CBL: variants seen among roughly 807,000 people sequenced by gnomAD.
The protein encoded by CBL is Cbl proto-oncogene.
In CBL, 45 loss-of-function variants were observed where a neutral mutation model predicts 96.9. That is an observed-to-expected ratio of 0.46 (90% CI 0.37 to 0.60). The LOEUF (loss-of-function observed/expected upper bound fraction) is 0.60, where lower values mean the gene tolerates loss of function less well. Ranked by LOEUF, CBL falls within the 20% of genes least tolerant of loss-of-function variation. The probability of loss-of-function intolerance (pLI) is 0.00; values close to 1 mark genes in which losing one functional copy is unlikely to be tolerated. For synonymous variants in CBL, 420 were observed against 426.8 expected (o/e 0.98, Z 0.20); for missense variants, 1,024 against 1,143.5 (o/e 0.90, Z 1.51).
chr11:119,237,699 T>A (rs1013969771), intron 2 of CBL, among the ~76,000 whole-genome samples: 2 of 152,188 alleles, frequency 1.3e-5, no homozygotes. Flanking sequence ...ACCATAAGTG[T>A]AAGGGTTTAT....
intron 12 of CBL, among the ~76,000 whole-genome samples, chr11:119,294,391 T>C (rs957482919): frequency 4.0e-5 from 6 of 151,338 alleles, no homozygotes; most frequent in Non-Finnish European, 8.8e-5. Flanking sequence ...ATCACGCCAT[T>C]GCACTCCAGC....
chr11:119,299,809 A>G lies in CBL; in HGVS notation c.*28A>G. On this transcript the variant is annotated 3_prime_UTR_variant, in exon 16 of 16. Coordinates refer to ENST00000264033, the MANE Select transcript of CBL (RefSeq NM_005188.4). ...CACCATCTCCCTGCTGCAGGTTTAG[A>G]GGACCAGTGAGTTGGGAGTTATTAC... 1 of 1,610,844 alleles carries G rather than the reference A, an allele frequency of 6.2e-7. No homozygotes were observed. The highest frequency in any genetic ancestry group is 8.5e-7 in the Non-Finnish European group (1 of 1,178,460).
At chr11:119,298,983 G>GT (rs1657254242) in intron 15 of CBL, among the ~76,000 whole-genome samples, 1 of 152,212 alleles carries the variant, frequency 6.6e-6, no homozygotes, top group Non-Finnish European at 1.5e-5. Flanking sequence ...TGGCTGCCTG[G>GT]TAGGGCAGCA....
In CBL at chr11:119,278,680, T is replaced by C. The variant is rs759327419; in HGVS notation, c.1398T>C (p.Thr466=). The change falls in exon 9 of 16, where the codon ACT becomes ACC. Residue 466 remains threonine, a synonymous_variant. Transcript: ENST00000264033. ...DDDDDERADD[T]LFMMKELAGA... The stretch of plus-strand genomic sequence containing the variant: ...ATGATGATGAACGAGCTGATGATAC[T>C]CTCTTCATGATGAAGGAATTGGCTG... 2 of 1,613,976 alleles carry C rather than the reference T, an allele frequency of 1.2e-6. No individual in the cohort carries two copies. Among genetic ancestry groups the C allele is most frequent in the Non-Finnish European group, 1.7e-6 (2 of 1,180,014 alleles).
chr11:119,257,535 G>T (rs994401580), intron 2 of CBL, among the ~76,000 whole-genome samples: 2 of 152,118 alleles, frequency 1.3e-5, no homozygotes, highest in Admixed American at 6.6e-5. Flanking sequence ...TGCATTGCTT[G>T]CATGTATTTT....
chr11:119,232,878 A>C lies in CBL; in HGVS notation c.443+183A>C, dbSNP rs149192978. Among the ~76,000 whole-genome samples the C allele has an allele frequency of 5.4e-4, 83 of 152,300 alleles. 1 individual carries two copies. The East Asian group carries it at 0.013, about 23-fold the overall frequency. ...TGACGTTGTACTATCCCTAACTCTGATTGATTTGCTTACCTCTGAAAAATC... is the reference window on the plus strand; with the variant it reads ...TGACGTTGTACTATCCCTAACTCTGCTTGATTTGCTTACCTCTGAAAAATC... On this transcript the variant is annotated intron_variant, in intron 2 of 15. Transcript: ENST00000264033.
intron 2 of CBL, among the ~76,000 whole-genome samples, chr11:119,235,438 A>C (rs1205859130): frequency 7.9e-5 from 12 of 152,186 alleles, no homozygotes; most frequent in Admixed American, 7.9e-4. Context: ...AATCATAAGG[A>C]AGATAAAACA....
chr11:119,226,385 C>T (rs1378260196), intron 1 of CBL, among the ~76,000 whole-genome samples: 1 of 152,056 alleles, frequency 6.6e-6, no homozygotes. Context: ...CTGTGCAATC[C>T]TTTTATGCAA....
chr11:119,285,619 G>T, intron 11 of CBL, 53 bp downstream of exon 11: 1 of 1,584,034 alleles, frequency 6.3e-7, no homozygotes, highest in Admixed American at 1.7e-5. Flanking sequence ...GTGTGGGCCA[G>T]GCACAGTGGC....
At chr11:119,218,020 A>C (rs1565855411) in intron 1 of CBL, among the ~76,000 whole-genome samples, 1 of 152,170 alleles carries the variant, frequency 6.6e-6, no homozygotes, top group Non-Finnish European at 1.5e-5. Flanking sequence ...GCAGTGAGCT[A>C]TGATCCTGCT....
rs1949901091 is a variant in CBL at position 119,277,845 on chromosome 11, G to C, written c.1095+1G>C. 6.2e-7 allele frequency: 1 copy of C among 1,606,098 alleles called. No individual in the cohort carries two copies. On this transcript the variant is annotated splice_donor_variant, in intron 7 of 15. Transcript: ENST00000264033. LOFTEE classifies it high-confidence loss of function. ...CCAAGACCATATCAAAGTGACCCAG[G>C]TGAGTTTTGTTTCACATGATAACCA...
chr11:119,225,045 T>C (rs1300659098), intron 1 of CBL, among the ~76,000 whole-genome samples: 2 of 150,924 alleles, frequency 1.3e-5, no homozygotes, highest in African/African-American at 4.9e-5. Context: ...CCTAAACTCT[T>C]TGGGGTGTGT....
chr11:119,242,306 G>T (rs1257803362), intron 2 of CBL, among the ~76,000 whole-genome samples: 3 of 152,100 alleles, frequency 2.0e-5, no homozygotes, highest in African/African-American at 7.2e-5. Context: ...ACTTTGGGAG[G>T]CCAAGGCGTT....
chr11:119,216,703 G>C (rs575805034), intron 1 of CBL, among the ~76,000 whole-genome samples: 1 of 152,236 alleles, frequency 6.6e-6, no homozygotes, highest in East Asian at 1.9e-4. Context: ...GCACATAACT[G>C]TAGCAATCTT....
At chr11:119,272,059 A>G (rs2047443660) in intron 3 of CBL, among the ~76,000 whole-genome samples, 178 bp downstream of exon 3, 1 of 152,206 alleles carries the variant, frequency 6.6e-6, no homozygotes, top group Non-Finnish European at 1.5e-5. Context: ...GTTTTTAAAA[A>G]ATAGTTTTGC....
intron 1 of CBL, among the ~76,000 whole-genome samples, chr11:119,213,685 A>AC (rs1428844157): frequency 6.6e-6 from 1 of 152,088 alleles, no homozygotes; most frequent in South Asian, 2.1e-4. Flanking sequence ...GTGACTTGAG[A>AC]CCAAGTGCCT....
chr11:119,226,750 G>A (rs1034727574), intron 1 of CBL, among the ~76,000 whole-genome samples: 29 of 152,214 alleles, frequency 1.9e-4, no homozygotes, highest in East Asian at 9.6e-4. Flanking sequence ...GAGCCACCAC[G>A]CCCCGCCTGA....
At chr11:119,257,760 A>G (rs1488190422) in intron 2 of CBL, among the ~76,000 whole-genome samples, 18 of 151,652 alleles carry the variant, frequency 1.2e-4, no homozygotes, top group African/African-American at 4.4e-4. Flanking sequence ...TCATTCTTCT[A>G]CATGTGGCTA....
At chr11:119,260,509 A>T (rs1218570708) in intron 2 of CBL, among the ~76,000 whole-genome samples, 1 of 152,144 alleles carries the variant, frequency 6.6e-6, no homozygotes, top group Non-Finnish European at 1.5e-5. Context: ...AAATGGGGAT[A>T]ATATTGGAAT....
Sources: gnomAD v4.1 joint callset for allele counts (sites outside exome capture counted in the v4.1 genomes callset) on GRCh38, gnomAD v4.1.1 for gene constraint, MANE v1.5 for transcripts, NCBI Gene and HGNC (gene_info 2026-07-23, HGNC 2026-07-21) for gene names.